QTGAL: variants seen among roughly 807,000 people sequenced by gnomAD.
QTGAL encodes queuosine-tRNA galactosyltransferase.
the QTGAL span, among the ~76,000 whole-genome samples, chr17:82,975,169 C>T: frequency 1.9e-5 from 1 of 51,882 alleles, no homozygotes; most frequent in Non-Finnish European, 3.8e-5. Flanking sequence ...GAACGAGGGC[C>T]CCGGGACAGA....
the QTGAL span, among the ~76,000 whole-genome samples, chr17:83,042,042 T>A: frequency 7.6e-6 from 1 of 131,564 alleles, no homozygotes; most frequent in Non-Finnish European, 1.7e-5. Context: ...ACTATTTTGG[T>A]TTGTATTTTT....
the QTGAL span, among the ~76,000 whole-genome samples, chr17:82,999,193 C>CAT: frequency 1.3e-5 from 2 of 152,182 alleles, no homozygotes; most frequent in Non-Finnish European, 2.9e-5. Flanking sequence ...AAGGCTTGTA[C>CAT]ATATGTTCAC....
chr17:83,035,916 G>A, the QTGAL span, among the ~76,000 whole-genome samples: 58 of 105,478 alleles, frequency 5.5e-4, no homozygotes, highest in African/African-American at 1.5e-3. Flanking sequence ...GACCCTCGGA[G>A]GGCGGTTTGC....
At chr17:83,046,232 C>T in the QTGAL span, among the ~76,000 whole-genome samples, 3 of 152,102 alleles carry the variant, frequency 2.0e-5, no homozygotes, top group South Asian at 4.1e-4. Flanking sequence ...CGGGTTCAAG[C>T]GATTCTCCTG....
chr17:82,991,044 T>G, the QTGAL span, among the ~76,000 whole-genome samples: 1 of 152,262 alleles, frequency 6.6e-6, no homozygotes, highest in Admixed American at 6.5e-5. Flanking sequence ...CAGCCTGAGC[T>G]GATTAAGATA....
the QTGAL span, chr17:83,035,109 AAAG>A: frequency 6.2e-7 from 1 of 1,608,372 alleles, no homozygotes; most frequent in East Asian, 2.2e-5. Context: ...ACTGTGGAAA[AAAG>A]AAGAGCAAAA....
chr17:83,050,446 TAGAGGA>T, the QTGAL span, among the ~76,000 whole-genome samples: 3 of 152,160 alleles, frequency 2.0e-5, no homozygotes, highest in Non-Finnish European at 2.9e-5. Context: ...TGGATTTACT[TAGAGGA>T]AAAGAAGGAA....
the QTGAL span, among the ~76,000 whole-genome samples, chr17:83,025,928 T>C: frequency 6.6e-6 from 1 of 152,220 alleles, no homozygotes; most frequent in Non-Finnish European, 1.5e-5. Flanking sequence ...CGGGGTGACA[T>C]GCACGATGCT....
chr17:83,034,347 G>A, the QTGAL span, among the ~76,000 whole-genome samples: 2 of 152,118 alleles, frequency 1.3e-5, no homozygotes, highest in Admixed American at 6.5e-5. Context: ...TGCTCACATC[G>A]CTCTCTGCTG....
At chr17:82,946,857 G>C in the QTGAL span, 2 of 1,508,674 alleles carry the variant, frequency 1.3e-6, no homozygotes, top group Non-Finnish European at 1.8e-6. Flanking sequence ...AACCCAGATG[G>C]TTCTTCGGTG....
chr17:83,045,630 T>C, the QTGAL span, among the ~76,000 whole-genome samples: 3 of 152,114 alleles, frequency 2.0e-5, no homozygotes, highest in Non-Finnish European at 4.4e-5. Flanking sequence ...AGGGACACTC[T>C]CGAGAGGGTG....
the QTGAL span, among the ~76,000 whole-genome samples, chr17:83,015,410 G>A: frequency 6.6e-6 from 1 of 152,370 alleles, no homozygotes; most frequent in Admixed American, 6.5e-5. This position sits in a 1 kb window ranked among gnomAD's most constrained non-coding sequence, Gnocchi z 4.4. Flanking sequence ...AGAACCCAGT[G>A]AGTGAGAATA....
chr17:83,020,541 C>T, the QTGAL span, among the ~76,000 whole-genome samples: 38 of 152,356 alleles, frequency 2.5e-4, no homozygotes, highest in East Asian at 9.6e-4. Context: ...AGGTCTGGAG[C>T]GGAGAAGCCC....
At chr17:83,017,474 T>A in the QTGAL span, among the ~76,000 whole-genome samples, 13 of 151,368 alleles carry the variant, frequency 8.6e-5, no homozygotes, top group East Asian at 2.3e-3. Context: ...AAAAAAAAAA[T>A]TCACCGAGTA....
chr17:83,044,302 T>C, the QTGAL span, among the ~76,000 whole-genome samples: 1 of 152,182 alleles, frequency 6.6e-6, no homozygotes, highest in South Asian at 2.1e-4. Context: ...ACAAGTGGGA[T>C]TTATCCCAAT....
At chr17:83,026,705 G>A in the QTGAL span, among the ~76,000 whole-genome samples, 5 of 123,904 alleles carry the variant, frequency 4.0e-5, no homozygotes, top group East Asian at 5.1e-4. Flanking sequence ...ACCCACCCTC[G>A]ACAGACACGC....
chr17:83,050,325 G>A, the QTGAL span, among the ~76,000 whole-genome samples: 6 of 152,050 alleles, frequency 3.9e-5, 1 homozygote, highest in South Asian at 1.0e-3. Flanking sequence ...AGCCGAGCTC[G>A]CGCCATTGTA....
chr17:82,993,156 T>C, the QTGAL span, among the ~76,000 whole-genome samples: 1 of 152,116 alleles, frequency 6.6e-6, no homozygotes. Flanking sequence ...GATTAAATTC[T>C]CCAATCAAAA....
chr17:82,951,280 A>C, the QTGAL span, among the ~76,000 whole-genome samples: 1 of 152,200 alleles, frequency 6.6e-6, no homozygotes, highest in Non-Finnish European at 1.5e-5. Context: ...TGACCGTAGC[A>C]TGATCTTCTG....
Sources: gnomAD v4.1 joint callset for allele counts (sites outside exome capture counted in the v4.1 genomes callset) on GRCh38, gnomAD v4.1.1 for gene constraint, Gnocchi (gnomAD v3.1) non-coding constraint, MANE v1.5 for transcripts, NCBI Gene and HGNC (gene_info 2026-07-23, HGNC 2026-07-21) for gene names.